The following AOAH variants were observed in gnomAD, a reference collection of about 807,000 sequenced individuals.
The protein encoded by AOAH is acyloxyacyl hydrolase.
A neutral mutation model predicts 92.2 loss-of-function variants in AOAH; 64 were observed. The ratio of observed to expected loss-of-function variants is 0.69; its 90% CI spans 0.57 to 0.86. The LOEUF is 0.86. Among genes scored for constraint, AOAH ranks in the 40% least tolerant of loss-of-function variants. The pLI is 0.00. For missense variants in AOAH, 656 were observed against 694.6 expected (o/e 0.94, Z 0.62); for synonymous variants, 263 against 254.5 (o/e 1.03, Z -0.32).
At chr7:36,647,575 G>T (rs2116410001) in intron 4 of AOAH, among the ~76,000 whole-genome samples, 1 of 152,258 alleles carries the variant, frequency 6.6e-6, no homozygotes, top group East Asian at 1.9e-4. Flanking sequence ...CCACTTATCG[G>T]AAGTCAATAG....
At chr7:36,535,141 T>A (rs1784969604) in intron 16 of AOAH, among the ~76,000 whole-genome samples, 1 of 151,406 alleles carries the variant, frequency 6.6e-6, no homozygotes, top group Non-Finnish European at 1.5e-5. Context: ...TGCTTGTGTG[T>A]ACCTGTGTCC....
chr7:36,589,194 T>G (rs904685030), intron 12 of AOAH, among the ~76,000 whole-genome samples: 2 of 152,116 alleles, frequency 1.3e-5, no homozygotes, highest in African/African-American at 4.8e-5. Context: ...AGTTTAGATG[T>G]GTTGGGTTCA....
chr7:36,604,538 A>C (rs1292213211), intron 11 of AOAH, among the ~76,000 whole-genome samples: 1 of 152,150 alleles, frequency 6.6e-6, no homozygotes, highest in Non-Finnish European at 1.5e-5. Context: ...CCATATGACT[A>C]AGCTCTGGAC....
intron 11 of AOAH, among the ~76,000 whole-genome samples, chr7:36,601,997 A>G (rs925163766): frequency 6.6e-6 from 1 of 152,246 alleles, no homozygotes; most frequent in Non-Finnish European, 1.5e-5. Context: ...CCAGCAGATC[A>G]GTAGCAATAA....
chr7:36,692,974 C>T (rs1035003775), intron 1 of AOAH, among the ~76,000 whole-genome samples: 6 of 101,516 alleles, frequency 5.9e-5, no homozygotes, highest in Admixed American at 5.4e-4. Context: ...AGCTTTCCTA[C>T]TCTTAAAAAA....
At chr7:36,515,558 C>T (rs1425673016) in intron 20 of AOAH, among the ~76,000 whole-genome samples, 1 of 123,742 alleles carries the variant, frequency 8.1e-6, no homozygotes, top group Non-Finnish European at 1.7e-5. Flanking sequence ...GCCACACACA[C>T]ATAATCACAC....
chr7:36,616,016 C>T (rs1430524302), intron 11 of AOAH, among the ~76,000 whole-genome samples: 1 of 152,156 alleles, frequency 6.6e-6, no homozygotes, highest in Non-Finnish European at 1.5e-5. Context: ...CTGCTCTGCC[C>T]AGAGCTTCTT....
intron 4 of AOAH, among the ~76,000 whole-genome samples, chr7:36,653,202 T>C (rs983662577): frequency 6.6e-6 from 1 of 152,210 alleles, no homozygotes; most frequent in African/African-American, 2.4e-5. Flanking sequence ...AACAGCATTA[T>C]GAGCATCAGG....
In AOAH at chr7:36,709,161, C is replaced by G. The variant is rs952481199; in HGVS notation, c.127+14861G>C. On this transcript the variant is annotated intron_variant, in intron 1 of 20. Coordinates refer to ENST00000617537, the MANE Select transcript of AOAH (RefSeq NM_001637.4). ...TTATGGCTGATCACCGTTGCTTCAT[C>G]AGGGATCAAACCTTGAGCTAGCAAA... Among the ~76,000 whole-genome samples the G allele has an allele frequency of 2.0e-5, 3 of 152,272 alleles. 1 individual carries two copies. The South Asian group carries it at 6.2e-4, about 32-fold the overall frequency.
intron 4 of AOAH, 87 bp from the exon 5 acceptor site, chr7:36,637,997 A>G (rs1052466965): frequency 2.7e-6 from 3 of 1,115,270 alleles, no homozygotes; most frequent in South Asian, 2.9e-5. Context: ...TTTAAAGTCC[A>G]TAAGTTTTCA....
chr7:36,620,534 G>A (rs1217861534), intron 9 of AOAH, among the ~76,000 whole-genome samples: 1 of 152,200 alleles, frequency 6.6e-6, no homozygotes, highest in African/African-American at 2.4e-5. Context: ...CAGTATAAAG[G>A]GATTAGATGT....
At chr7:36,515,798 CCA>C (rs1583702514) in intron 20 of AOAH, among the ~76,000 whole-genome samples, 1 of 128,860 alleles carries the variant, frequency 7.8e-6, no homozygotes, top group Non-Finnish European at 1.7e-5. Flanking sequence ...ACACACACCC[CCA>C]CACACCACAC....
intron 1 of AOAH, among the ~76,000 whole-genome samples, chr7:36,719,605 G>C (rs1483414812): frequency 6.6e-6 from 1 of 152,038 alleles, no homozygotes; most frequent in Non-Finnish European, 1.5e-5. Context: ...ATTTATGTTG[G>C]AATGGCAATT....
At chr7:36,630,254 G>A (rs767378479) in intron 6 of AOAH, among the ~76,000 whole-genome samples, 1 of 152,216 alleles carries the variant, frequency 6.6e-6, no homozygotes, top group South Asian at 2.1e-4. Context: ...GTGGTGTTTT[G>A]TAACCGCAGA....
chr7:36,554,317 G>C (rs1786516773), intron 13 of AOAH, among the ~76,000 whole-genome samples: 1 of 152,278 alleles, frequency 6.6e-6, no homozygotes, highest in East Asian at 1.9e-4. Flanking sequence ...TATTTCTGAA[G>C]GCTCTGTTCT....
At chr7:36,576,747 A>G (rs1788530333) in intron 12 of AOAH, 91 bp from the exon 13 acceptor site, 1 of 618,548 alleles carries the variant, frequency 1.6e-6, no homozygotes, top group Admixed American at 3.1e-5. Flanking sequence ...TTTTAAAAAA[A>G]TATGGTTAAA....
intron 1 of AOAH, among the ~76,000 whole-genome samples, chr7:36,721,780 A>G (rs1195915514): frequency 6.6e-6 from 1 of 152,202 alleles, no homozygotes; most frequent in East Asian, 1.9e-4. Context: ...CTCTCCATCA[A>G]AATGAAGGGT....
At chr7:36,594,887 C>A (rs887242712) in intron 11 of AOAH, among the ~76,000 whole-genome samples, 1 of 152,116 alleles carries the variant, frequency 6.6e-6, no homozygotes, top group African/African-American at 2.4e-5. Flanking sequence ...TGCCCTCTGA[C>A]CTTCTTGGGG....
chr7:36,664,832 C>T (rs1795442897), intron 3 of AOAH, among the ~76,000 whole-genome samples: 1 of 152,148 alleles, frequency 6.6e-6, no homozygotes, highest in Non-Finnish European at 1.5e-5. Context: ...CCTCAGGAAG[C>T]TTTCAATCAT....
Sources: allele counts gnomAD v4.1 joint callset (sites outside exome capture counted in the v4.1 genomes callset), GRCh38; gene constraint gnomAD v4.1.1; transcripts MANE v1.5; gene names NCBI Gene and HGNC (gene_info 2026-07-23, HGNC 2026-07-21).